ODAD2: variants seen among roughly 807,000 people sequenced by gnomAD.
ODAD2 encodes outer dynein arm docking complex subunit 2, also known as outer dynein arm-docking complex subunit 2.
ODAD2 carries 89 observed loss-of-function variants against 106.8 expected under a neutral mutation model. The observed-to-expected ratio is 0.83, with a 90% confidence interval of 0.70 to 0.99. The LOEUF (loss-of-function observed/expected upper bound fraction) is 0.99, where lower values mean the gene tolerates loss of function less well. Ranked by LOEUF, ODAD2 falls within the 50% of genes least tolerant of loss-of-function variation. The pLI is 0.00. For missense variants in ODAD2, 1,168 were observed against 1,238.5 expected, an observed-to-expected ratio of 0.94 and a Z score of 0.85; for synonymous variants, 404 against 436.2, an observed-to-expected ratio of 0.93 and a Z score of 0.92.
intron 10 of ODAD2, among the ~76,000 whole-genome samples, chr10:27,951,567 T>G (rs181845468): frequency 1.3e-5 from 2 of 151,898 alleles, no homozygotes; most frequent in Non-Finnish European, 2.9e-5. Flanking sequence ...AGAAGTGAAG[T>G]TAGATGCATA....
At chr10:27,965,799 G>A (rs1480984860) in intron 9 of ODAD2, among the ~76,000 whole-genome samples, 1 of 152,152 alleles carries the variant, frequency 6.6e-6, no homozygotes, top group Admixed American at 6.5e-5. Flanking sequence ...TTGAATTAGT[G>A]GAATCATGAT....
At chr10:27,909,916 T>A (rs903975228) in intron 16 of ODAD2, among the ~76,000 whole-genome samples, 3 of 148,248 alleles carry the variant, frequency 2.0e-5, no homozygotes, top group African/African-American at 7.5e-5. Flanking sequence ...CCATAGGAAC[T>A]AACAAAGTCA....
chr10:27,879,489 A>G (rs370102300), intron 17 of ODAD2, among the ~76,000 whole-genome samples: 1 of 151,900 alleles, frequency 6.6e-6, no homozygotes, highest in Non-Finnish European at 1.5e-5. Flanking sequence ...TCCTGCTTAT[A>G]CTCAGTAACC....
In ODAD2 at chr10:27,826,129, G is replaced by C. The variant is rs77927522; in HGVS notation, c.3022-13504C>G. Among the ~76,000 whole-genome samples, 742 of 152,182 alleles carry C rather than the reference G, an allele frequency of 4.9e-3. 8 individuals are homozygous for C. Among genetic ancestry groups the C allele is most frequent in the African/African-American group, 0.017 (688 of 41,528 alleles). On this transcript the variant is annotated intron_variant, in intron 19 of 19. Transcript: ENST00000305242. ...TCGTTGCTGTCTATCAGAAATTCCA[G>C]GTTCTGGAGGACGCAGAATGGGATC...
At chr10:27,853,356 G>A (rs996703586) in intron 19 of ODAD2, 4 of 257,488 alleles carry the variant, frequency 1.6e-5, no homozygotes, top group Non-Finnish European at 2.2e-5. Context: ...GACATGGCGA[G>A]ACTCTGTCTA....
chr10:27,822,878 G>A (rs1022867909), intron 19 of ODAD2, among the ~76,000 whole-genome samples: 1 of 152,170 alleles, frequency 6.6e-6, no homozygotes, highest in African/African-American at 2.4e-5. Flanking sequence ...ACATTCCTAA[G>A]TTTATCCTCT....
At position 27,920,861 on chromosome 10, in the gene ODAD2, GA is replaced by G. The variant is rs201906114; in HGVS notation, c.2496-13085del. ...AACAAATAAACCCAATGTAAAAACTGAAAAAAAAAAACTATGTAAATGCAAC... is the reference window on the plus strand; with the variant it reads ...AACAAATAAACCCAATGTAAAAACTGAAAAAAAAAACTATGTAAATGCAAC... On this transcript the variant is annotated intron_variant, in intron 16 of 19. Transcript: ENST00000305242. Among the ~76,000 whole-genome samples, 618 of 141,046 alleles carry G rather than the reference GA, an allele frequency of 4.4e-3. 3 individuals are homozygous for G. The highest frequency in any genetic ancestry group is 5.6e-3 in the African/African-American group (213 of 38,258). 92.5% of individuals were successfully genotyped at this position (141,046 alleles called of 152,430 possible).
intron 17 of ODAD2, among the ~76,000 whole-genome samples, chr10:27,863,209 C>G (rs1840186943): frequency 6.6e-6 from 1 of 152,188 alleles, no homozygotes; most frequent in Admixed American, 6.5e-5. Flanking sequence ...GATATTTTCT[C>G]TTTCAGGCAC....
chr10:27,951,728 C>T (rs80300626), intron 10 of ODAD2, among the ~76,000 whole-genome samples: 3,620 of 151,490 alleles, frequency 0.024, 125 homozygotes, highest in African/African-American at 0.073. Flanking sequence ...AGAAACAAAA[C>T]CTATAAGCCA....
intron 17 of ODAD2, among the ~76,000 whole-genome samples, chr10:27,903,882 T>C (rs925486089): frequency 1.8e-4 from 27 of 152,110 alleles, no homozygotes; most frequent in African/African-American, 6.5e-4. Flanking sequence ...GACAAGGGTG[T>C]CCACCAACCA....
intron 17 of ODAD2, 75 bp downstream of exon 17, chr10:27,907,588 T>G (rs1843689036): frequency 2.1e-6 from 2 of 956,232 alleles, no homozygotes; most frequent in Admixed American, 2.0e-5. Flanking sequence ...TCAAAAGCAA[T>G]TAGTAACCTG....
At chr10:27,813,228 C>G (rs1414619625) in intron 19 of ODAD2, 1 of 152,204 alleles carries the variant, frequency 6.6e-6, no homozygotes, top group Non-Finnish European at 1.5e-5. Context: ...GCCTTCCCAT[C>G]CCCTTCTCTG....
At chr10:27,924,766 G>A (rs1412010281) in intron 16 of ODAD2, among the ~76,000 whole-genome samples, 3 of 151,280 alleles carry the variant, frequency 2.0e-5, no homozygotes, top group South Asian at 2.1e-4. Context: ...TTTGAAAGTT[G>A]AAAGGAAATT....
At chr10:27,962,179 T>C (rs1416859322) in intron 9 of ODAD2, among the ~76,000 whole-genome samples, 1 of 152,142 alleles carries the variant, frequency 6.6e-6, no homozygotes, top group African/African-American at 2.4e-5. Context: ...CAGTGAGAAA[T>C]AAACAAGGGT....
chr10:27,876,978 G>C lies in ODAD2; in HGVS notation c.2611-14356C>G, dbSNP rs79925776. 1.1e-4 allele frequency among the ~76,000 whole-genome samples: 16 copies of C among 152,176 alleles called. No individual in the cohort carries two copies. In the East Asian group the frequency reaches 3.1e-3, roughly 30 times the overall value. The stretch of plus-strand genomic sequence containing the variant: ...TTCTTGAGCTCTTCCAGGACAAAGA[G>C]ACTCAGTCTTCTTGTTCTTTGATTC... On this transcript the variant is annotated intron_variant, in intron 17 of 19. Transcript: ENST00000305242.
chr10:27,869,994 AAT>A lies in ODAD2; in HGVS notation c.2611-7374_2611-7373del, dbSNP rs201983611. ...TGAGTCAAAATGACCTTCAAAGTAA[AAT>A]ATATATATATATAGTTGGAAGTATA... On this transcript the variant is annotated intron_variant, in intron 17 of 19. Transcript: ENST00000305242. 1.4e-3 allele frequency among the ~76,000 whole-genome samples: 206 copies of A among 150,820 alleles called. 2 individuals carry two copies. Among genetic ancestry groups the A allele is most frequent in the African/African-American group, 4.8e-3 (198 of 41,212 alleles).
intron 10 of ODAD2, among the ~76,000 whole-genome samples, chr10:27,959,449 A>G (rs2132820942): frequency 1.3e-5 from 2 of 151,932 alleles, no homozygotes; most frequent in Admixed American, 1.3e-4. Context: ...CCTGTGGTTC[A>G]GTAAAGATGC....
intron 16 of ODAD2, among the ~76,000 whole-genome samples, chr10:27,924,789 A>G (rs1046656260): frequency 1.3e-5 from 2 of 151,472 alleles, no homozygotes. Flanking sequence ...ACATTTCCTA[A>G]TAAAATGCAG....
intron 1 of ODAD2, 79 bp downstream of exon 1, chr10:27,998,915 C>G (rs956795455): frequency 3.9e-5 from 6 of 154,592 alleles, no homozygotes; most frequent in Non-Finnish European, 7.0e-5. Flanking sequence ...CTACAGGGCC[C>G]GTGCCCTCCC....
Sources: gnomAD v4.1 joint callset for allele counts (sites outside exome capture counted in the v4.1 genomes callset) on GRCh38, gnomAD v4.1.1 for gene constraint, MANE v1.5 for transcripts, NCBI Gene and HGNC (gene_info 2026-07-23, HGNC 2026-07-21) for gene names.